PIK3CB: variants seen among roughly 807,000 people sequenced by gnomAD.
The protein encoded by PIK3CB is phosphatidylinositol-4,5-bisphosphate 3-kinase catalytic subunit beta, also known as phosphatidylinositol 4,5-bisphosphate 3-kinase catalytic subunit beta isoform.
Under a neutral mutation model 136.8 loss-of-function variants are expected in PIK3CB, and 39 were observed. That is an observed-to-expected ratio of 0.29 (90% CI 0.22 to 0.37). The LOEUF (loss-of-function observed/expected upper bound fraction) is 0.37, where lower values mean the gene tolerates loss of function less well. PIK3CB is among the 10% of genes least tolerant of loss of function. The probability of loss-of-function intolerance (pLI) is 1.00; values close to 1 mark genes in which losing one functional copy is unlikely to be tolerated. For synonymous variants in PIK3CB, 428 were observed against 436.6 expected (o/e 0.98, Z 0.25); for missense variants, 868 against 1,275.4 (o/e 0.68, Z 4.87).
At chr3:138,831,054 G>A (rs1260309889) in intron 1 of PIK3CB, among the ~76,000 whole-genome samples, 1 of 150,024 alleles carries the variant, frequency 6.7e-6, no homozygotes, top group African/African-American at 2.4e-5. Flanking sequence ...AGGCCAAGGC[G>A]GGCGGATCAC....
intron 2 of PIK3CB, among the ~76,000 whole-genome samples, chr3:138,774,121 A>G (rs2045831440): frequency 6.6e-6 from 1 of 152,244 alleles, no homozygotes; most frequent in Non-Finnish European, 1.5e-5. Context: ...TAACGCATAA[A>G]CAAAAATACC....
chr3:138,694,999 G>A, intron 13 of PIK3CB, 92 bp from the exon 14 acceptor site: 1 of 1,246,766 alleles, frequency 8.0e-7, no homozygotes, highest in South Asian at 1.7e-5. Flanking sequence ...TAGGTCAAAA[G>A]AAGGCAAAGC....
intron 6 of PIK3CB, among the ~76,000 whole-genome samples, chr3:138,735,626 C>T (rs1282987354): frequency 6.6e-6 from 1 of 152,082 alleles, no homozygotes; most frequent in Non-Finnish European, 1.5e-5. Flanking sequence ...CCGATCATCC[C>T]AGTTTGATGT....
Position 138,656,052 on chromosome 3 carries a change from T to TAC in PIK3CB, c.3075+88_3075+89dup, listed in dbSNP as rs571412386. ...CATCTTAGAGGAAATGACTTTGTTC[T>TAC]ACTTCCTTCAGCCACTTGAATAAAA... On this transcript the variant is annotated intron_variant, in intron 23 of 23. Transcript: ENST00000674063. 1.3e-3 allele frequency: 1,765 copies of TAC among 1,328,640 alleles called. 14 individuals carry two copies. The highest frequency in any genetic ancestry group is 0.012 in the Middle Eastern group (52 of 4,306). The allele number at this position is 1,328,640 out of a possible 1,614,324, so 82.3% of individuals were successfully genotyped here. A position where few individuals can be genotyped will look rare whatever the true frequency, so the allele number is the denominator to read the frequency against.
intron 12 of PIK3CB, among the ~76,000 whole-genome samples, chr3:138,701,922 A>C (rs754238093): frequency 4.6e-5 from 7 of 150,722 alleles, no homozygotes; most frequent in Non-Finnish European, 8.9e-5. Context: ...TTAAATGAAA[A>C]AAGTAGAAAC....
chr3:138,737,754 C>T lies in PIK3CB; in HGVS notation c.754G>A (p.Gly252Arg), dbSNP rs774144681. The change falls in exon 6 of 24, where the codon GGG becomes AGG. Residue 252 changes from glycine (G) to arginine (R), a missense_variant. By Grantham distance (125) the Gly-to-Arg change is moderately radical. Transcript: ENST00000674063. ...TCACCAAAAACATATTCTACTCTCCCGCTGACTTGCAACACATAATCATAG... is the reference window on the plus strand; with the variant it reads ...TCACCAAAAACATATTCTACTCTCCTGCTGACTTGCAACACATAATCATAG... The part of the protein sequence containing the change: ...SPYDYVLQVS[G>R]RVEYVFGDHP... 3 of 1,611,006 alleles carry T rather than the reference C, an allele frequency of 1.9e-6. No individual in the cohort carries two copies. The highest frequency in any genetic ancestry group is 2.2e-5 in the South Asian group (2 of 90,728).
intron 19 of PIK3CB, among the ~76,000 whole-genome samples, chr3:138,678,157 A>G (rs1186700690): frequency 6.6e-6 from 1 of 152,060 alleles, no homozygotes; most frequent in Admixed American, 6.6e-5. Context: ...GCATGGTGGC[A>G]TGTGCCTGTA....
At chr3:138,656,845 A>G (rs1054629802) in intron 22 of PIK3CB, among the ~76,000 whole-genome samples, 2 of 151,920 alleles carry the variant, frequency 1.3e-5, no homozygotes, top group Non-Finnish European at 2.9e-5. Flanking sequence ...ATCTTGGCTC[A>G]CTGCAACTTC....
intron 13 of PIK3CB, among the ~76,000 whole-genome samples, chr3:138,697,196 C>T (rs538729659): frequency 6.6e-6 from 1 of 152,086 alleles, no homozygotes; most frequent in Non-Finnish European, 1.5e-5. Context: ...CCAAAAGAAA[C>T]AGGCAAATGT....
chr3:138,782,471 T>C lies in PIK3CB; in HGVS notation c.-17+13992A>G, dbSNP rs117388687. The stretch of plus-strand genomic sequence containing the variant: ...AGTATAGATCCCTTTTCTTATACCT[T>C]AGAAATTGAGACCTACAGAAATATG... On this transcript the variant is annotated intron_variant, in intron 2 of 23. Coordinates refer to ENST00000674063, the MANE Select transcript of PIK3CB (RefSeq NM_006219.3). Among the ~76,000 whole-genome samples, 38 of 152,328 alleles carry C rather than the reference T, an allele frequency of 2.5e-4. No homozygotes were observed. The East Asian group carries it at 6.4e-3, about 25-fold the overall frequency.
intron 3 of PIK3CB, among the ~76,000 whole-genome samples, chr3:138,758,523 A>T (rs1016844932): frequency 6.6e-6 from 1 of 152,144 alleles, no homozygotes; most frequent in Non-Finnish European, 1.5e-5. Context: ...TCAATTCTGT[A>T]TTTTCTTTTT....
chr3:138,804,159 AAAG>A lies in PIK3CB; in HGVS notation c.-121-7595_-121-7593del, dbSNP rs143673585. On this transcript the variant is annotated intron_variant, in intron 1 of 23. Coordinates refer to ENST00000674063, the MANE Select transcript of PIK3CB (RefSeq NM_006219.3). ...CATCTCTACAAAAAATTTTTTAAAA[AAAG>A]AAGAAGTAACCTCACAAATCACTTG... Among the ~76,000 whole-genome samples the A allele has an allele frequency of 8.5e-3, 1,301 of 152,236 alleles. 25 individuals are homozygous for A. The highest frequency in any genetic ancestry group is 0.028 in the African/African-American group (1,177 of 41,536).
chr3:138,660,915 T>G (rs1196867089), intron 21 of PIK3CB, among the ~76,000 whole-genome samples: 1 of 152,216 alleles, frequency 6.6e-6, no homozygotes, highest in African/African-American at 2.4e-5. Context: ...ATGTACATGG[T>G]AGGCTTGCTT....
At chr3:138,663,800 G>A (rs2043350938) in intron 21 of PIK3CB, 106 bp downstream of exon 21, 1 of 1,082,282 alleles carries the variant, frequency 9.2e-7, no homozygotes. Context: ...ACAAAGATAT[G>A]ACACTAAGAA....
At chr3:138,794,844 C>T (rs2046091049) in intron 2 of PIK3CB, among the ~76,000 whole-genome samples, 1 of 152,162 alleles carries the variant, frequency 6.6e-6, no homozygotes, top group Non-Finnish European at 1.5e-5. Context: ...ATTGTATGGT[C>T]TTTGCATACA....
intron 12 of PIK3CB, among the ~76,000 whole-genome samples, chr3:138,704,079 CATG>C (rs748684348): frequency 3.9e-5 from 6 of 152,280 alleles, no homozygotes; most frequent in Non-Finnish European, 5.9e-5. Flanking sequence ...GGGTCACTTG[CATG>C]ATGATGTGTG....
chr3:138,704,525 G>A (rs1345074408), intron 11 of PIK3CB, 32 bp from the exon 12 acceptor site: 1 of 1,453,972 alleles, frequency 6.9e-7, no homozygotes, highest in East Asian at 2.3e-5. Flanking sequence ...AATGAATTTT[G>A]GCTCTCATAT....
In PIK3CB at chr3:138,821,128, T is replaced by G. The variant is rs138915824; in HGVS notation, c.-122+13567A>C. Among the ~76,000 whole-genome samples the G allele has an allele frequency of 3.8e-3, 568 of 150,006 alleles. 5 individuals are homozygous for G. Among genetic ancestry groups the G allele is most frequent in the Middle Eastern group, 0.028 (8 of 284 alleles). On this transcript the variant is annotated intron_variant, in intron 1 of 23. Coordinates refer to ENST00000674063, the MANE Select transcript of PIK3CB (RefSeq NM_006219.3). ...GGTGAAACCCCGTCTGTACTAAAAA[T>G]ATAAAAATTAGCTGGGCGTGGTGGT...
At chr3:138,696,889 T>C (rs1274708125) in intron 13 of PIK3CB, among the ~76,000 whole-genome samples, 3 of 152,166 alleles carry the variant, frequency 2.0e-5, no homozygotes, top group Non-Finnish European at 2.9e-5. Flanking sequence ...AGTTAATACT[T>C]GGAATACACT....
Sources: allele counts gnomAD v4.1 joint callset (sites outside exome capture counted in the v4.1 genomes callset), GRCh38; gene constraint gnomAD v4.1.1; transcripts MANE v1.5; gene names NCBI Gene and HGNC (gene_info 2026-07-23, HGNC 2026-07-21).